SDK1: variants seen among roughly 807,000 people sequenced by gnomAD.
The protein encoded by SDK1 is protein sidekick-1.
A neutral mutation model predicts 245.5 loss-of-function variants in SDK1; 157 were observed. The ratio of observed to expected loss-of-function variants is 0.64; its 90% confidence interval spans 0.56 to 0.73. The LOEUF (loss-of-function observed/expected upper bound fraction) is 0.73. SDK1 is among the 30% of genes least tolerant of loss of function. The pLI is 0.00. For missense variants in SDK1, 3,583 were observed against 3,002.3 expected, an observed-to-expected ratio of 1.19 and a Z score of -4.52; for synonymous variants, 1,647 against 1,278.5, an observed-to-expected ratio of 1.29 and a Z score of -6.15.
intron 35 of SDK1, among the ~76,000 whole-genome samples, chr7:4,193,063 TTATAATA>T (rs973705136): frequency 6.5e-5 from 9 of 138,364 alleles, no homozygotes; most frequent in African/African-American, 2.1e-4. Context: ...ATAATATATA[TTATAATA>T]TATAATATAT....
chr7:3,602,770 G>A (rs1040710616), intron 1 of SDK1, among the ~76,000 whole-genome samples: 7 of 152,166 alleles, frequency 4.6e-5, no homozygotes, highest in Non-Finnish European at 5.9e-5. Context: ...GTCCTCAATG[G>A]TATTGCCTAG....
intron 22 of SDK1, among the ~76,000 whole-genome samples, chr7:4,105,602 G>A (rs949927366): frequency 6.6e-6 from 1 of 152,178 alleles, no homozygotes; most frequent in Non-Finnish European, 1.5e-5. Context: ...ACCACGCCTG[G>A]CCTGGGAGTT....
chr7:4,148,472 A>G (rs1780138927), intron 29 of SDK1, among the ~76,000 whole-genome samples: 1 of 152,240 alleles, frequency 6.6e-6, no homozygotes, highest in Non-Finnish European at 1.5e-5. Context: ...CACCAGAGGC[A>G]GTGACAGCCC....
At chr7:3,393,465 C>G (rs564657397) in intron 1 of SDK1, among the ~76,000 whole-genome samples, 6 of 152,094 alleles carry the variant, frequency 3.9e-5, no homozygotes, top group Non-Finnish European at 8.8e-5. Flanking sequence ...ATTTTCCTTT[C>G]CTATAGCTAT....
intron 1 of SDK1, among the ~76,000 whole-genome samples, chr7:3,307,903 C>T (rs1052738734): frequency 1.3e-5 from 2 of 152,068 alleles, no homozygotes; most frequent in Non-Finnish European, 2.9e-5. Flanking sequence ...TCCTTTCTGC[C>T]CTTCACTAGA....
At chr7:3,410,396 T>C (rs1258687658) in intron 1 of SDK1, among the ~76,000 whole-genome samples, 4 of 152,104 alleles carry the variant, frequency 2.6e-5, no homozygotes, top group Non-Finnish European at 2.9e-5. Context: ...GATACCGCAT[T>C]ATGTATATGC....
intron 1 of SDK1, among the ~76,000 whole-genome samples, chr7:3,440,314 G>T (rs999632198): frequency 6.6e-6 from 1 of 152,182 alleles, no homozygotes; most frequent in Non-Finnish European, 1.5e-5. Context: ...AGTTCAGGTT[G>T]CTCAGTGCAA....
chr7:3,875,341 C>T (rs1781050553), intron 5 of SDK1, among the ~76,000 whole-genome samples: 1 of 152,188 alleles, frequency 6.6e-6, no homozygotes, highest in African/African-American at 2.4e-5. Flanking sequence ...GAGCTGAAAG[C>T]ACAAGTTTGC....
intron 28 of SDK1, among the ~76,000 whole-genome samples, chr7:4,139,421 G>A (rs1226141986): frequency 2.0e-5 from 3 of 150,204 alleles, no homozygotes; most frequent in Non-Finnish European, 4.4e-5. Flanking sequence ...ATATGTGTGT[G>A]TGTGTATGTA....
intron 41 of SDK1, among the ~76,000 whole-genome samples, chr7:4,233,977 A>G (rs1347740871): frequency 6.6e-6 from 1 of 152,204 alleles, no homozygotes; most frequent in Admixed American, 6.5e-5. Context: ...CCCCTCCGCA[A>G]CAAAATCATT....
chr7:3,777,104 C>T (rs1238297976), intron 4 of SDK1, among the ~76,000 whole-genome samples: 1 of 152,184 alleles, frequency 6.6e-6, no homozygotes, highest in Non-Finnish European at 1.5e-5. Context: ...TCTGATTTTA[C>T]TCTCAACCCC....
chr7:3,838,977 G>T (rs556331529), intron 5 of SDK1, among the ~76,000 whole-genome samples: 1 of 152,286 alleles, frequency 6.6e-6, no homozygotes, highest in South Asian at 2.1e-4. Flanking sequence ...GGCACGTCCT[G>T]TCTGCTCCCT....
intron 1 of SDK1, among the ~76,000 whole-genome samples, chr7:3,572,854 A>T (rs954596137): frequency 3.1e-4 from 47 of 152,116 alleles, no homozygotes; most frequent in African/African-American, 1.1e-3. Flanking sequence ...AAATGTATTC[A>T]CCTGAAGAAG....
At chr7:3,999,553 G>A (rs1414487796) in intron 14 of SDK1, among the ~76,000 whole-genome samples, 2 of 152,172 alleles carry the variant, frequency 1.3e-5, no homozygotes, top group East Asian at 1.9e-4. Context: ...GTATTCGGAT[G>A]CCCTGGTGCC....
intron 1 of SDK1, among the ~76,000 whole-genome samples, chr7:3,449,285 C>G (rs1225647104): frequency 6.6e-6 from 1 of 152,210 alleles, no homozygotes; most frequent in Admixed American, 6.5e-5. Flanking sequence ...TTATGCCCTG[C>G]ACAGAGCGAT....
rs112513229 is a variant in SDK1, at chr7:3,403,511, A to G, written c.298+101627A>G. On this transcript the variant is annotated intron_variant, in intron 1 of 44. Transcript: ENST00000404826. ...AACAGGTCTTTTTGTTCTAACCGAAAGAGGGATTATTTAGCAGCTTAATGA... is the reference window on the plus strand; with the variant it reads ...AACAGGTCTTTTTGTTCTAACCGAAGGAGGGATTATTTAGCAGCTTAATGA... Among the ~76,000 whole-genome samples, 1,394 of 152,076 alleles carry G rather than the reference A, an allele frequency of 9.2e-3. 27 individuals carry two copies. The highest frequency in any genetic ancestry group is 0.032 in the African/African-American group (1,315 of 41,474).
chr7:3,968,933 A>C lies in SDK1; in HGVS notation c.1547-324A>C, dbSNP rs113460921. ...ATAGCTGGGGAGGCCTCAGGAAATC[A>C]TGGTGGAAGGTGAAGAGGAAGCAGG... On this transcript the variant is annotated intron_variant, in intron 10 of 44. Coordinates refer to ENST00000404826, the MANE Select transcript of SDK1 (RefSeq NM_152744.4). 2.2e-3 allele frequency among the ~76,000 whole-genome samples: 341 copies of C among 152,342 alleles called. 1 individual carries two copies. Among genetic ancestry groups the C allele is most frequent in the Non-Finnish European group, 4.2e-3 (286 of 68,032 alleles).
intron 5 of SDK1, among the ~76,000 whole-genome samples, chr7:3,926,776 G>A (rs1779786614): frequency 6.6e-6 from 1 of 152,210 alleles, no homozygotes; most frequent in Admixed American, 6.5e-5. Context: ...AACACAGGCT[G>A]TGGCATCTGC....
At chr7:3,488,982 G>A (rs1018166044) in intron 1 of SDK1, among the ~76,000 whole-genome samples, 3 of 151,832 alleles carry the variant, frequency 2.0e-5, no homozygotes, top group South Asian at 2.1e-4. Context: ...TCAATGAGTG[G>A]AATGGTGTTA....
Sources: allele counts gnomAD v4.1 joint callset (sites outside exome capture counted in the v4.1 genomes callset), GRCh38; gene constraint gnomAD v4.1.1; transcripts MANE v1.5; gene names NCBI Gene and HGNC (gene_info 2026-07-23, HGNC 2026-07-21).